Variants in PCDHGA4 observed in about 807,000 individuals in gnomAD.
The protein encoded by PCDHGA4 is protocadherin gamma-A4.
Under a neutral mutation model 54.6 loss-of-function variants are expected in PCDHGA4, and 38 were observed. The observed-to-expected ratio is 0.70, with a 90% CI of 0.54 to 0.91. PCDHGA4 has a LOEUF of 0.91. PCDHGA4 is among the 40% of genes least tolerant of loss of function. The probability of loss-of-function intolerance (pLI) is 0.00; values close to 1 mark genes in which losing one functional copy is unlikely to be tolerated. For synonymous variants in PCDHGA4, 511 were observed against 512.9 expected (o/e 1.00, Z 0.05); for missense variants, 1,298 against 1,220.9 (o/e 1.06, Z -0.94).
Position 141,490,320 on chromosome 5 carries a change from A to G in PCDHGA4, c.2515-4487A>G. The G allele has an allele frequency of 6.2e-7, 1 of 1,614,228 alleles. No individual in the cohort carries two copies. The highest frequency in any genetic ancestry group is 1.1e-5 in the South Asian group (1 of 91,088). ...TGGCCTCTTTGGCCAACCCTGTCCT[A>G]GAGAGCACACCAGTGGGCACAGTAG... On this transcript the variant is annotated intron_variant, in intron 1 of 3. Transcript: ENST00000571252. The surrounding 1 kb of genome is among the most constrained non-coding windows in gnomAD (Gnocchi z 5.4).
chr5:141,358,805 A>G (rs1327444568), intron 1 of PCDHGA4, among the ~76,000 whole-genome samples: 1 of 152,166 alleles, frequency 6.6e-6, no homozygotes, highest in South Asian at 2.1e-4. Flanking sequence ...GACTGATATG[A>G]TTTACGCTGC....
At chr5:141,389,170 C>CCCTCT (rs2091633405) in intron 1 of PCDHGA4, 3 of 1,614,006 alleles carry the variant, frequency 1.9e-6, no homozygotes, top group Non-Finnish European at 2.5e-6. Context: ...GGCAAGCCTC[C>CCCTCT]CCTCTCCTCC....
chr5:141,505,468 G>A lies in PCDHGA4; in HGVS notation c.2649G>A (p.Leu883=). 1 of 1,614,212 alleles carries A rather than the reference G, an allele frequency of 6.2e-7. No homozygotes were observed. Among genetic ancestry groups the A allele is most frequent in the Non-Finnish European group, 8.5e-7 (1 of 1,180,020 alleles). The change falls in exon 3 of 4, where the codon TTG becomes TTA. Residue 883 remains leucine (L), a synonymous_variant. Coordinates refer to ENST00000571252, the MANE Select transcript of PCDHGA4 (RefSeq NM_018917.4). The stretch of plus-strand genomic sequence containing the variant: ...CAGAGATGCTGCAAGCCATGATCTT[G>A]GCGTCCGCCAGTGGTAAGTGGTGTC... The part of the protein sequence containing the change: ...FDTEMLQAMI[L]ASASEAADGS...
At chr5:141,388,734 G>C in intron 1 of PCDHGA4, 1 of 1,614,018 alleles carries the variant, frequency 6.2e-7, no homozygotes, top group Non-Finnish European at 8.5e-7. Flanking sequence ...TTTCAGTGAA[G>C]CTAGCCAGAT....
intron 1 of PCDHGA4, chr5:141,403,461 A>G (rs2094410364): frequency 6.2e-7 from 1 of 1,614,010 alleles, no homozygotes; most frequent in Non-Finnish European, 8.5e-7. Context: ...CTCCAGAGCT[A>G]CCAGCTCAGC....
chr5:141,390,263 T>G (rs1249972080), intron 1 of PCDHGA4: 2 of 1,614,054 alleles, frequency 1.2e-6, no homozygotes, highest in Non-Finnish European at 1.7e-6. Context: ...GTAATTCCAG[T>G]GAATTGACTT....
Position 141,477,650 on chromosome 5 carries a change from A to C in PCDHGA4, c.2515-17157A>C. The C allele has an allele frequency of 6.2e-7, 1 of 1,614,210 alleles. No homozygotes were observed. Among genetic ancestry groups the C allele is most frequent in the Non-Finnish European group, 8.5e-7 (1 of 1,180,036 alleles). On this transcript the variant is annotated intron_variant, in intron 1 of 3. Coordinates refer to ENST00000571252, the MANE Select transcript of PCDHGA4 (RefSeq NM_018917.4). The surrounding 1 kb of genome is among the most constrained non-coding windows in gnomAD (Gnocchi z 4.9). The stretch of plus-strand genomic sequence containing the variant: ...CGGGCTAGTGGGTCGCTATTTCACA[A>C]TAAATCGTGACAATGGCATAGTGTC...
chr5:141,361,332 G>T lies in PCDHGA4; in HGVS notation c.2514+3711G>T, dbSNP rs544332613. 9 of 1,613,816 alleles carry T rather than the reference G, an allele frequency of 5.6e-6. No homozygotes were observed. The Admixed American group carries it at 8.3e-5, about 15-fold the overall frequency. ...AGTTTATTTTGAAATCTTCCTCAAAGAACTATTACAAACTAGTGACAGACG... is the reference window on the plus strand; with the variant it reads ...AGTTTATTTTGAAATCTTCCTCAAATAACTATTACAAACTAGTGACAGACG... On this transcript the variant is annotated intron_variant, in intron 1 of 3. Transcript: ENST00000571252.
At chr5:141,423,076 C>A in intron 1 of PCDHGA4, 1 of 1,614,128 alleles carries the variant, frequency 6.2e-7, no homozygotes, top group Non-Finnish European at 8.5e-7. Context: ...CGAGCCGGGA[C>A]TCTTCGCGGT....
chr5:141,496,511 C>T (rs1161285563), intron 2 of PCDHGA4, among the ~76,000 whole-genome samples: 1 of 152,182 alleles, frequency 6.6e-6, no homozygotes, highest in Non-Finnish European at 1.5e-5. Flanking sequence ...CACAAGGACC[C>T]AGGAGCCCTT....
chr5:141,375,676 G>A, intron 1 of PCDHGA4: 1 of 1,614,220 alleles, frequency 6.2e-7, no homozygotes, highest in Middle Eastern at 1.6e-4. Flanking sequence ...TACAGCTGTG[G>A]GTGACAGCCA....
chr5:141,418,063 G>T (rs2015825), intron 1 of PCDHGA4: 734,858 of 1,613,808 alleles, frequency 0.46, 174,471 homozygotes, highest in African/African-American at 0.8. Flanking sequence ...AGCTGCGAGT[G>T]AGCGCGGAGA....
rs1412764202 is a variant in PCDHGA4, at chr5:141,486,708, C to T, written c.2515-8099C>T. The T allele has an allele frequency of 1.2e-6, 2 of 1,614,062 alleles. No individual in the cohort carries two copies. Among genetic ancestry groups the T allele is most frequent in the Non-Finnish European group, 1.7e-6 (2 of 1,180,054 alleles). ...GCTTCCTCTTTCATCTCTCTGAACC[C>T]CCAGACAGGAGCTGTTCATGCTACT... On this transcript the variant is annotated intron_variant, in intron 1 of 3. Coordinates refer to ENST00000571252, the MANE Select transcript of PCDHGA4 (RefSeq NM_018917.4). This position sits in a 1 kb window ranked among gnomAD's most constrained non-coding sequence, Gnocchi z 5.0.
At chr5:141,505,523 G>C in intron 3 of PCDHGA4, 42 bp downstream of exon 3, 2 of 1,612,760 alleles carry the variant, frequency 1.2e-6, no homozygotes, top group South Asian at 2.2e-5. Context: ...GGGAGACCTG[G>C]GGTTCTGGGG....
intron 1 of PCDHGA4, chr5:141,419,440 C>T (rs368129873): frequency 1.9e-6 from 3 of 1,613,034 alleles, no homozygotes; most frequent in African/African-American, 2.7e-5. Context: ...AGCTGCGCAC[C>T]TTCGAGCTCA....
rs528172004 is a variant in PCDHGA4 at position 141,370,968 on chromosome 5, C to G, written c.2514+13347C>G. The G allele has an allele frequency of 1.1e-3, 1,752 of 1,613,966 alleles. 34 individuals are homozygous for G. In the South Asian group the frequency reaches 0.018, roughly 17 times the overall value. On this transcript the variant is annotated intron_variant, in intron 1 of 3. Coordinates refer to ENST00000571252, the MANE Select transcript of PCDHGA4 (RefSeq NM_018917.4). Reference sequence around the variant, plus strand: ...GGAGAACCTGGATGGCAGTAGGTACCCAGAGCTAGTACTGAAAGCACCCCT... The same window carrying G: ...GGAGAACCTGGATGGCAGTAGGTACGCAGAGCTAGTACTGAAAGCACCCCT...
chr5:141,506,688 T>G (rs114532236), intron 3 of PCDHGA4, among the ~76,000 whole-genome samples: 2,113 of 152,334 alleles, frequency 0.014, 37 homozygotes, highest in African/African-American at 0.048. Flanking sequence ...TTATCTTTGC[T>G]GACCCAAACC....
At chr5:141,361,597 TCCTA>T in intron 1 of PCDHGA4, 1 of 1,614,048 alleles carries the variant, frequency 6.2e-7, no homozygotes, top group Non-Finnish European at 8.5e-7. Flanking sequence ...TGGCCAAGTT[TCCTA>T]CTCCATCGTA....
At chr5:141,381,947 A>G (rs957045552) in intron 1 of PCDHGA4, among the ~76,000 whole-genome samples, 2 of 146,392 alleles carry the variant, frequency 1.4e-5, no homozygotes, top group Non-Finnish European at 3.0e-5. Flanking sequence ...TTCCTGCCTC[A>G]GCCTCCTGAG....
Sources: gnomAD v4.1 joint callset for allele counts (sites outside exome capture counted in the v4.1 genomes callset) on GRCh38, gnomAD v4.1.1 for gene constraint, Gnocchi (gnomAD v3.1) non-coding constraint, MANE v1.5 for transcripts, NCBI Gene and HGNC (gene_info 2026-07-23, HGNC 2026-07-21) for gene names.